The following DGKB variants were observed in gnomAD, a reference collection of about 807,000 sequenced individuals.
DGKB encodes the protein diacylglycerol kinase beta, also known as 90 kDa diacylglycerol kinase.
In DGKB, 67 loss-of-function variants were observed where a neutral mutation model predicts 114.3. That is an observed-to-expected ratio of 0.59 (90% CI 0.48 to 0.72). The LOEUF (loss-of-function observed/expected upper bound fraction) is 0.72, where lower values mean the gene tolerates loss of function less well. DGKB is among the 30% of genes least tolerant of loss of function. The pLI is 0.00. For synonymous variants in DGKB, 398 were observed against 323.1 expected (o/e 1.23, Z -2.49); for missense variants, 907 against 975.2 (o/e 0.93, Z 0.93).
chr7:14,259,420 T>G (rs1333293332), intron 23 of DGKB, among the ~76,000 whole-genome samples: 1 of 151,574 alleles, frequency 6.6e-6, no homozygotes, highest in Non-Finnish European at 1.5e-5. Context: ...TATATATATA[T>G]ATATATATGG....
intron 23 of DGKB, among the ~76,000 whole-genome samples, chr7:14,324,080 ATG>A (rs995648807): frequency 6.6e-6 from 1 of 152,190 alleles, no homozygotes; most frequent in Non-Finnish European, 1.5e-5. Context: ...AGGGAAAAAT[ATG>A]TTGATAAAAG....
intron 20 of DGKB, among the ~76,000 whole-genome samples, chr7:14,566,000 G>C (rs1015847493): frequency 2.0e-5 from 3 of 151,964 alleles, no homozygotes; most frequent in Non-Finnish European, 2.9e-5. Flanking sequence ...TTTAGTTTTT[G>C]AGGTTTATGA....
At chr7:14,847,482 G>T (rs1848796765) in intron 1 of DGKB, among the ~76,000 whole-genome samples, 1 of 152,078 alleles carries the variant, frequency 6.6e-6, no homozygotes, top group Admixed American at 6.6e-5. Flanking sequence ...TCTATAGGTT[G>T]GTTTATAATT....
At chr7:14,756,166 T>G (rs1834839165) in intron 3 of DGKB, among the ~76,000 whole-genome samples, 1 of 152,046 alleles carries the variant, frequency 6.6e-6, no homozygotes, top group Non-Finnish European at 1.5e-5. Flanking sequence ...CAGCTATCAT[T>G]ATGGAGAAAA....
intron 14 of DGKB, among the ~76,000 whole-genome samples, chr7:14,629,560 C>T (rs1809298900): frequency 6.6e-6 from 1 of 151,864 alleles, no homozygotes; most frequent in African/African-American, 2.4e-5. Context: ...GGAAACAATA[C>T]CATTTGGGCA....
intron 21 of DGKB, among the ~76,000 whole-genome samples, chr7:14,387,461 G>A (rs188993747): frequency 1.3e-5 from 2 of 151,610 alleles, no homozygotes; most frequent in South Asian, 2.1e-4. Flanking sequence ...TGCCCAGGCT[G>A]GAGTGCAGTG....
At chr7:14,244,677 A>G (rs1430669822) in intron 23 of DGKB, among the ~76,000 whole-genome samples, 62 of 146,436 alleles carry the variant, frequency 4.2e-4, no homozygotes, top group Middle Eastern at 3.4e-3. Flanking sequence ...CTCAAAAAAA[A>G]AAAAAAAAAA....
intron 1 of DGKB, among the ~76,000 whole-genome samples, chr7:14,863,288 A>G (rs1851251998): frequency 6.6e-6 from 1 of 151,676 alleles, no homozygotes; most frequent in South Asian, 2.1e-4. Flanking sequence ...AGTTTATATT[A>G]GGTACTAACC....
chr7:14,520,487 C>T (rs1002756822), intron 20 of DGKB, among the ~76,000 whole-genome samples: 2 of 151,766 alleles, frequency 1.3e-5, no homozygotes, highest in African/African-American at 2.4e-5. Flanking sequence ...CTAAACCCTG[C>T]TTTAGCTACC....
intron 23 of DGKB, among the ~76,000 whole-genome samples, chr7:14,208,384 C>A (rs2128299859): frequency 6.6e-6 from 1 of 151,994 alleles, no homozygotes; most frequent in South Asian, 2.1e-4. Flanking sequence ...AAACAAAGAC[C>A]AGTCTAGGAT....
At chr7:14,481,760 G>C (rs1172400806) in intron 20 of DGKB, among the ~76,000 whole-genome samples, 4 of 151,852 alleles carry the variant, frequency 2.6e-5, no homozygotes, top group Admixed American at 1.3e-4. Flanking sequence ...ATCTCTCCCT[G>C]TGTGCAAACT....
At chr7:14,648,278 C>G (rs1300947327) in intron 13 of DGKB, among the ~76,000 whole-genome samples, 2 of 152,134 alleles carry the variant, frequency 1.3e-5, no homozygotes, top group Admixed American at 6.5e-5. Flanking sequence ...GTAGTTCTCC[C>G]AGCATGCAGC....
chr7:14,254,178 A>G (rs1795631659), intron 23 of DGKB, among the ~76,000 whole-genome samples: 1 of 152,216 alleles, frequency 6.6e-6, no homozygotes, highest in African/African-American at 2.4e-5. Context: ...ACCAAGAGAA[A>G]GGACCAAGAT....
At chr7:14,608,970 T>C (rs1024065124) in intron 16 of DGKB, among the ~76,000 whole-genome samples, 4 of 151,976 alleles carry the variant, frequency 2.6e-5, no homozygotes, top group Admixed American at 1.3e-4. Flanking sequence ...ATCACTATCG[T>C]TAAATGGCTA....
chr7:14,897,023 T>A (rs1265475408), intron 1 of DGKB, among the ~76,000 whole-genome samples: 2 of 151,848 alleles, frequency 1.3e-5, no homozygotes, highest in Non-Finnish European at 2.9e-5. Flanking sequence ...GATTACTCTA[T>A]TGATGGAACT....
At chr7:14,949,367 G>C (rs1786050367) in intron 1 of DGKB, among the ~76,000 whole-genome samples, 1 of 151,822 alleles carries the variant, frequency 6.6e-6, no homozygotes, top group South Asian at 2.1e-4. Flanking sequence ...GCTTCTAACT[G>C]TATTTTTAAT....
At chr7:14,717,230 A>T (rs1187524748) in intron 6 of DGKB, among the ~76,000 whole-genome samples, 1 of 152,172 alleles carries the variant, frequency 6.6e-6, no homozygotes, top group Non-Finnish European at 1.5e-5. Flanking sequence ...AAATAGTTAA[A>T]CAGCAAGACT....
rs574719389 is a variant in DGKB at position 14,247,425 on chromosome 7, A to G, written c.2123-69274T>C. ...GTTTTTAATTTTGTGAGAAACTTCC[A>G]TACATTTTTCCATAATGGCTGTGCC... On this transcript the variant is annotated intron_variant, in intron 23 of 25. Transcript: ENST00000402815. Among the ~76,000 whole-genome samples the G allele has an allele frequency of 3.3e-5, 5 of 152,236 alleles. No individual in the cohort carries two copies. In the South Asian group the frequency reaches 1.0e-3, roughly 32 times the overall value.
intron 8 of DGKB, among the ~76,000 whole-genome samples, chr7:14,697,852 AG>A (rs1824305042): frequency 6.9e-6 from 1 of 145,956 alleles, no homozygotes; most frequent in African/African-American, 2.5e-5. Flanking sequence ...AGGGAGAGAG[AG>A]AAGGAAGGAA....
Sources: gnomAD v4.1 joint callset for allele counts (sites outside exome capture counted in the v4.1 genomes callset) on GRCh38, gnomAD v4.1.1 for gene constraint, MANE v1.5 for transcripts, NCBI Gene and HGNC (gene_info 2026-07-23, HGNC 2026-07-21) for gene names.